STARD13: variants seen among roughly 807,000 people sequenced by gnomAD.
The protein encoded by STARD13 is StAR related lipid transfer domain containing 13, also known as stAR-related lipid transfer protein 13.
In STARD13, 62 loss-of-function variants were observed where a neutral mutation model predicts 106.4. The observed-to-expected ratio is 0.58, with a 90% CI of 0.48 to 0.72. The LOEUF is 0.72. Among genes scored for constraint, STARD13 ranks in the 30% least tolerant of loss-of-function variants. The probability of loss-of-function intolerance (pLI) is 0.00; values close to 1 mark genes in which losing one functional copy is unlikely to be tolerated. For missense variants in STARD13, 1,387 were observed against 1,424.0 expected (o/e 0.97, Z 0.42); for synonymous variants, 565 against 553.0 (o/e 1.02, Z -0.31).
At chr13:33,124,176 T>C (rs899309855) in intron 7 of STARD13, among the ~76,000 whole-genome samples, 3 of 152,170 alleles carry the variant, frequency 2.0e-5, no homozygotes, top group African/African-American at 7.2e-5. Flanking sequence ...AGTTCTCCCC[T>C]TTTCCTTCCT....
intron 3 of STARD13, among the ~76,000 whole-genome samples, chr13:33,155,205 C>G (rs1262100247): frequency 6.6e-6 from 1 of 152,120 alleles, no homozygotes; most frequent in Admixed American, 6.5e-5. Flanking sequence ...CCCTATCTTC[C>G]CTCCTGACTC....
chr13:33,650,163 A>AGTTTTTT, the STARD13 span, among the ~76,000 whole-genome samples: 1 of 84,454 alleles, frequency 1.2e-5, no homozygotes, highest in African/African-American at 4.4e-5. Context: ...ACGTGACTCC[A>AGTTTTTT]ATTTTTTTTT....
chr13:33,575,922 C>G, the STARD13 span, among the ~76,000 whole-genome samples: 2 of 151,510 alleles, frequency 1.3e-5, no homozygotes, highest in Admixed American at 6.6e-5. Flanking sequence ...CAGACACTTG[C>G]CTAATAATGT....
Position 33,238,211 on chromosome 13 carries a change from T to A in STARD13, c.169+47259A>T, listed in dbSNP as rs144695478. Among the ~76,000 whole-genome samples, 454 of 152,246 alleles carry A rather than the reference T, an allele frequency of 3.0e-3. 2 individuals carry two copies. Among genetic ancestry groups the A allele is most frequent in the African/African-American group, 9.7e-3 (404 of 41,548 alleles). On this transcript the variant is annotated intron_variant, in intron 1 of 13. Coordinates refer to ENST00000336934, the MANE Select transcript of STARD13 (RefSeq NM_178006.4). ...TCAACATTGAACACAACAGACATAA[T>A]CCTCACTCACTTGGGTTTTTCTTTG...
chr13:33,605,915 A>G, the STARD13 span, among the ~76,000 whole-genome samples: 2 of 152,322 alleles, frequency 1.3e-5, no homozygotes, highest in African/African-American at 4.8e-5. Context: ...CATGGACTCT[A>G]GAGTCTGGGG....
chr13:33,675,318 G>T, the STARD13 span, among the ~76,000 whole-genome samples: 1 of 152,180 alleles, frequency 6.6e-6, no homozygotes, highest in Non-Finnish European at 1.5e-5. Flanking sequence ...CAGTCATGTG[G>T]TTCAAAGCAT....
chr13:33,161,790 C>T (rs1024261025), intron 3 of STARD13, among the ~76,000 whole-genome samples: 12 of 152,080 alleles, frequency 7.9e-5, no homozygotes, highest in South Asian at 2.1e-4. Flanking sequence ...TTTAATTGGA[C>T]GTAGTCCAGT....
At chr13:33,523,770 G>A in the STARD13 span, among the ~76,000 whole-genome samples, 9 of 152,014 alleles carry the variant, frequency 5.9e-5, no homozygotes, top group Admixed American at 2.6e-4. Context: ...GGCAATTTTC[G>A]AAACAAAGTG....
At chr13:33,599,545 A>G in the STARD13 span, among the ~76,000 whole-genome samples, 1 of 152,166 alleles carries the variant, frequency 6.6e-6, no homozygotes, top group Non-Finnish European at 1.5e-5. Flanking sequence ...CTCCTCATTA[A>G]GCTTTTGGAA....
At chr13:33,447,829 C>T in the STARD13 span, among the ~76,000 whole-genome samples, 1 of 152,022 alleles carries the variant, frequency 6.6e-6, no homozygotes, top group South Asian at 2.1e-4. Flanking sequence ...CCTCAGAATT[C>T]TTTAATTCTG....
chr13:33,545,087 C>G, the STARD13 span, among the ~76,000 whole-genome samples: 1 of 152,092 alleles, frequency 6.6e-6, no homozygotes, highest in Non-Finnish European at 1.5e-5. Context: ...TCCTGAGTAG[C>G]TGGGATTACA....
the STARD13 span, among the ~76,000 whole-genome samples, chr13:33,525,833 T>C: frequency 4.2e-3 from 640 of 152,280 alleles, 6 homozygotes; most frequent in African/African-American, 0.015. Context: ...ATAAACCTAC[T>C]TGTACATGAA....
chr13:33,383,122 A>C, the STARD13 span, among the ~76,000 whole-genome samples: 1 of 152,238 alleles, frequency 6.6e-6, no homozygotes, highest in Non-Finnish European at 1.5e-5. Context: ...ATTCCCTCAT[A>C]AGACATTTCA....
At chr13:33,658,437 C>T in the STARD13 span, 6 of 152,164 alleles carry the variant, frequency 3.9e-5, no homozygotes, top group Non-Finnish European at 5.9e-5. Context: ...GTTTTTGTTG[C>T]TATAATATCA....
rs531491841 is a variant in STARD13 at position 33,134,478 on chromosome 13, A to C, written c.388-4189T>G. On this transcript the variant is annotated intron_variant, in intron 4 of 13. Coordinates refer to ENST00000336934, the MANE Select transcript of STARD13 (RefSeq NM_178006.4). ...TAAAAGACTGTAAATAACTGAAGGA[A>C]GCATGTCTCAAGGTTATGATCATTT... 3.8e-4 allele frequency among the ~76,000 whole-genome samples: 58 copies of C among 152,334 alleles called. 1 individual carries two copies. The South Asian group carries it at 0.012, about 32-fold the overall frequency.
chr13:33,395,340 C>T, the STARD13 span, among the ~76,000 whole-genome samples: 1 of 152,036 alleles, frequency 6.6e-6, no homozygotes, highest in Admixed American at 6.6e-5. Flanking sequence ...AATGTAGTCA[C>T]CTAGTGAATG....
At chr13:33,596,249 G>GA in the STARD13 span, among the ~76,000 whole-genome samples, 1 of 152,132 alleles carries the variant, frequency 6.6e-6, no homozygotes, top group South Asian at 2.1e-4. Context: ...TATGATAGGC[G>GA]AAACGCCCCA....
chr13:33,170,660 T>C (rs1401512156), intron 1 of STARD13, among the ~76,000 whole-genome samples: 3 of 152,210 alleles, frequency 2.0e-5, no homozygotes, highest in Non-Finnish European at 4.4e-5. Flanking sequence ...GTCCTAGCCA[T>C]GGCAGGTGAC....
chr13:33,255,337 A>T (rs1463461874), intron 1 of STARD13, among the ~76,000 whole-genome samples: 4 of 152,124 alleles, frequency 2.6e-5, no homozygotes, highest in African/African-American at 9.7e-5. Flanking sequence ...CACCTTTAGG[A>T]TGCTGAGAGG....
Sources: gnomAD v4.1 joint callset for allele counts (sites outside exome capture counted in the v4.1 genomes callset) on GRCh38, gnomAD v4.1.1 for gene constraint, MANE v1.5 for transcripts, NCBI Gene and HGNC (gene_info 2026-07-23, HGNC 2026-07-21) for gene names.